Variants in CDC27 observed in about 807,000 individuals in gnomAD.
CDC27 encodes cell division cycle protein 27 homolog.
In CDC27, 27 loss-of-function variants were observed where a neutral mutation model predicts 109.7. The observed-to-expected ratio is 0.25, with a 90% CI of 0.18 to 0.34. The LOEUF is 0.34. CDC27 is among the 10% of genes least tolerant of loss of function. The pLI is 1.00. For missense variants in CDC27, 579 were observed against 960.2 expected, an observed-to-expected ratio of 0.60 and a Z score of 5.25; for synonymous variants, 266 against 333.9, an observed-to-expected ratio of 0.80 and a Z score of 2.22.
At chr17:47,177,855 TGTAC>T (rs1409544821) in intron 2 of CDC27, among the ~76,000 whole-genome samples, 1 of 135,888 alleles carries the variant, frequency 7.4e-6, no homozygotes, top group East Asian at 3.2e-4. Context: ...TATATGTGTG[TGTAC>T]ACACACACAC....
chr17:47,142,180 A>G (rs1414592656), intron 11 of CDC27, 49 bp downstream of exon 11: 6 of 1,224,180 alleles, frequency 4.9e-6, no homozygotes, highest in African/African-American at 3.1e-5. Context: ...TTTACTTAAA[A>G]TAAGTACATA....
intron 4 of CDC27, among the ~76,000 whole-genome samples, chr17:47,162,890 A>G (rs1167403674): frequency 6.6e-6 from 1 of 152,228 alleles, no homozygotes; most frequent in African/African-American, 2.4e-5. Context: ...ATGGATAGAT[A>G]TATGTATAAA....
chr17:47,174,256 C>T (rs1161385187), intron 2 of CDC27, among the ~76,000 whole-genome samples: 2 of 152,084 alleles, frequency 1.3e-5, no homozygotes, highest in Non-Finnish European at 2.9e-5. Flanking sequence ...GGTAAGCAGC[C>T]ATAAATCTAA....
chr17:47,131,512 GA>G (rs1555782990), intron 15 of CDC27, among the ~76,000 whole-genome samples: 1 of 151,872 alleles, frequency 6.6e-6, no homozygotes, highest in Non-Finnish European at 1.5e-5. Flanking sequence ...TTGCTAGGGG[GA>G]AAAAAAGAGA....
chr17:47,164,895 T>C lies in CDC27; in HGVS notation c.377+5022A>G, dbSNP rs549503249. Among the ~76,000 whole-genome samples the C allele has an allele frequency of 2.6e-5, 4 of 152,280 alleles. No individual in the cohort carries two copies. In the South Asian group the frequency reaches 8.3e-4, roughly 32 times the overall value. The stretch of plus-strand genomic sequence containing the variant: ...TTTTAGCAGTTTTTACACGTTTATA[T>C]AGAGAATATTATCACATTTACAAAT... On this transcript the variant is annotated intron_variant, in intron 4 of 18. Coordinates refer to ENST00000066544, the MANE Select transcript of CDC27 (RefSeq NM_001256.6).
At chr17:47,148,193 T>C (rs888935279) in intron 9 of CDC27, among the ~76,000 whole-genome samples, 1 of 142,382 alleles carries the variant, frequency 7.0e-6, no homozygotes, top group African/African-American at 2.6e-5. Flanking sequence ...AGCGAGACTC[T>C]ATCTCAAAAA....
At chr17:47,147,692 A>G (rs1025198711) in intron 9 of CDC27, among the ~76,000 whole-genome samples, 2 of 152,056 alleles carry the variant, frequency 1.3e-5, no homozygotes, top group African/African-American at 2.4e-5. Context: ...CAACATAGCA[A>G]GACCTTGTCT....
At chr17:47,164,419 A>G (rs1314662791) in intron 4 of CDC27, among the ~76,000 whole-genome samples, 1 of 152,236 alleles carries the variant, frequency 6.6e-6, no homozygotes, top group East Asian at 1.9e-4. Flanking sequence ...AGAACTTGCA[A>G]AAACAGTACA....
chr17:47,140,591 T>C (rs1305779567), intron 12 of CDC27, among the ~76,000 whole-genome samples: 2 of 152,250 alleles, frequency 1.3e-5, no homozygotes. Flanking sequence ...AGGCTTTCTT[T>C]AATTAAATAT....
At chr17:47,141,756 T>G in intron 12 of CDC27, 97 bp downstream of exon 12, 1 of 651,528 alleles carries the variant, frequency 1.5e-6, no homozygotes, top group Admixed American at 3.0e-5. Flanking sequence ...TAATAAATAC[T>G]GATCTTTTAG....
chr17:47,174,191 G>A (rs2148975676), intron 2 of CDC27, among the ~76,000 whole-genome samples: 1 of 152,318 alleles, frequency 6.6e-6, no homozygotes, highest in African/African-American at 2.4e-5. Context: ...CTCCTCACAA[G>A]TAACTTGGCA....
intron 4 of CDC27, among the ~76,000 whole-genome samples, chr17:47,163,739 T>C (rs1350013118): frequency 6.6e-6 from 1 of 152,236 alleles, no homozygotes; most frequent in Non-Finnish European, 1.5e-5. Flanking sequence ...ATCACATGTA[T>C]GACAATAGTC....
chr17:47,121,394 C>CAA (rs1375560314), intron 18 of CDC27, among the ~76,000 whole-genome samples: 1 of 152,110 alleles, frequency 6.6e-6, no homozygotes, highest in Non-Finnish European at 1.5e-5. Flanking sequence ...CACAGAAACA[C>CAA]AGACTATAAC....
In CDC27 at chr17:47,149,811, C is replaced by T. The variant is rs148044751; in HGVS notation, c.1070+1995G>A. 2.9e-4 allele frequency among the ~76,000 whole-genome samples: 44 copies of T among 151,232 alleles called. 3 individuals are homozygous for T. In the South Asian group the frequency reaches 7.1e-3, roughly 25 times the overall value. On this transcript the variant is annotated intron_variant, in intron 9 of 18. Coordinates refer to ENST00000066544, the MANE Select transcript of CDC27 (RefSeq NM_001256.6). ...CTCTACTAAAAATACAAAAATTAGC[C>T]GGGCGTGGTGGCACATGCCTGTAAT...
chr17:47,181,352 T>C (rs545508313), intron 2 of CDC27: 10 of 200,176 alleles, frequency 5.0e-5, no homozygotes, highest in Non-Finnish European at 9.4e-5. Flanking sequence ...AAGTAAATCA[T>C]AGCATATAAA....
At chr17:47,174,966 G>A (rs953163534) in intron 2 of CDC27, among the ~76,000 whole-genome samples, 3 of 123,528 alleles carry the variant, frequency 2.4e-5, no homozygotes, top group Non-Finnish European at 5.2e-5. Context: ...CAGGACTATC[G>A]AAACAGGACA....
chr17:47,180,945 TAAAAAAAAAAAA>T lies in CDC27; in HGVS notation c.103+605_103+616del, dbSNP rs34061862. ...CACCATAGAATACAGACTCTTTTCT[TAAAAAAAAAAAA>T]AAAAAAAAAAAATACATGGCATGGT... is the stretch of plus-strand genomic sequence containing the variant. On this transcript the variant is annotated intron_variant, in intron 2 of 18. Coordinates refer to ENST00000066544, the MANE Select transcript of CDC27 (RefSeq NM_001256.6). 2.7e-5 allele frequency among the ~76,000 whole-genome samples: 3 copies of T among 111,674 alleles called. No individual in the cohort carries two copies. In the Admixed American group the frequency reaches 2.9e-4, roughly 11 times the overall value. 73.3% of individuals were successfully genotyped at this position (111,674 alleles called of 152,430 possible).
chr17:47,144,871 T>TCACACACACACACACACACACACACACA (rs35160918), intron 9 of CDC27, among the ~76,000 whole-genome samples: 69 of 149,886 alleles, frequency 4.6e-4, no homozygotes, highest in Non-Finnish European at 8.3e-4. Flanking sequence ...TGTGTGTATA[T>TCACACACACACACACACACACACACACA]CACACACACA....
At chr17:47,122,922 C>T (rs572575758) in intron 17 of CDC27, among the ~76,000 whole-genome samples, 1 of 152,264 alleles carries the variant, frequency 6.6e-6, no homozygotes, top group African/African-American at 2.4e-5. Flanking sequence ...ATCCACCTGC[C>T]TCCCAAAGTG....
Sources: gnomAD v4.1 joint callset for allele counts (sites outside exome capture counted in the v4.1 genomes callset) on GRCh38, gnomAD v4.1.1 for gene constraint, MANE v1.5 for transcripts, NCBI Gene and HGNC (gene_info 2026-07-23, HGNC 2026-07-21) for gene names.